Variants in TRPM3 observed in about 807,000 individuals in gnomAD.
TRPM3 encodes the protein long transient receptor potential channel 3.
Under a neutral mutation model 181.2 loss-of-function variants are expected in TRPM3, and 77 were observed. The observed-to-expected ratio is 0.42, with a 90% CI of 0.35 to 0.51. The LOEUF is 0.51. Among genes scored for constraint, TRPM3 ranks in the 20% least tolerant of loss-of-function variants. TRPM3 has a pLI of 0.01. For missense variants in TRPM3, 1,759 were observed against 2,196.7 expected, an observed-to-expected ratio of 0.80 and a Z score of 3.98; for synonymous variants, 745 against 796.4, an observed-to-expected ratio of 0.94 and a Z score of 1.09.
rs550040624 is a variant in TRPM3, at chr9:70,629,215, C to CGGGGGGGGGG, written c.1633-3708_1633-3699dup. Among the ~76,000 whole-genome samples, 6 of 10,170 alleles carry CGGGGGGGGGG rather than the reference C, an allele frequency of 5.9e-4. 1 individual carries two copies. Among genetic ancestry groups the CGGGGGGGGGG allele is most frequent in the Admixed American group, 4.7e-3 (2 of 424 alleles). 6.7% of individuals were successfully genotyped at this position (10,170 alleles called of 152,430 possible). On this transcript the variant is annotated intron_variant, in intron 12 of 25. Coordinates refer to ENST00000677713, the MANE Select transcript of TRPM3 (RefSeq NM_001366145.2). ...GGATAAATGATTCTGTGACCAGTGCCGGGGGGGGGGGGGGCCTGCGTTCTG... is the reference window on the plus strand; with the variant it reads ...GGATAAATGATTCTGTGACCAGTGCCGGGGGGGGGGGGGGGGGGGGGGGGCCTGCGTTCTG...
At chr9:70,683,797 G>A (rs2066089366) in intron 8 of TRPM3, among the ~76,000 whole-genome samples, 1 of 152,114 alleles carries the variant, frequency 6.6e-6, no homozygotes, top group African/African-American at 2.4e-5. Flanking sequence ...GAAGTTGAGA[G>A]GGAACTATTC....
At chr9:70,879,771 G>T (rs1231704559) in intron 1 of TRPM3, among the ~76,000 whole-genome samples, 1 of 152,094 alleles carries the variant, frequency 6.6e-6, no homozygotes, top group Admixed American at 6.6e-5. Context: ...AACATGTTTT[G>T]CATAAATGGA....
At chr9:71,334,601 C>T (rs1045021977) in intron 1 of TRPM3, among the ~76,000 whole-genome samples, 1 of 152,122 alleles carries the variant, frequency 6.6e-6, no homozygotes, top group Non-Finnish European at 1.5e-5. Context: ...CCATTTCTAT[C>T]TCTGGCCACA....
At chr9:70,793,545 A>G in intron 6 of TRPM3, 3 of 463,730 alleles carry the variant, frequency 6.5e-6, no homozygotes, top group Non-Finnish European at 1.3e-5. Context: ...ACATACATAT[A>G]TACATACATA....
At chr9:71,335,854 T>TA (rs1240218365) in intron 1 of TRPM3, among the ~76,000 whole-genome samples, 3 of 152,130 alleles carry the variant, frequency 2.0e-5, no homozygotes, top group Non-Finnish European at 2.9e-5. Context: ...AGTGGGGAGA[T>TA]ACGATCCTTT....
chr9:71,254,691 A>C (rs897421377), intron 1 of TRPM3, among the ~76,000 whole-genome samples: 2 of 152,246 alleles, frequency 1.3e-5, no homozygotes, highest in Non-Finnish European at 2.9e-5. Flanking sequence ...AACAGTATTT[A>C]TTAAAGTTTG....
chr9:71,446,216 G>A lies in TRPM3; in HGVS notation c.183+437C>T, dbSNP rs571019603. Among the ~76,000 whole-genome samples, 12 of 152,312 alleles carry A rather than the reference G, an allele frequency of 7.9e-5. No homozygotes were observed. In the South Asian group the frequency reaches 2.5e-3, roughly 32 times the overall value. On this transcript the variant is annotated intron_variant, in intron 1 of 24. Transcript: ENST00000357533. ...TGGGGGTGTGGGATGGAAAGAGCAA[G>A]TGCTAAGAGAGTAAAAATATGGCAT...
chr9:70,974,416 GT>G (rs1296449160), intron 1 of TRPM3, among the ~76,000 whole-genome samples: 2 of 141,804 alleles, frequency 1.4e-5, no homozygotes, highest in African/African-American at 5.2e-5. Context: ...GCGGGCTCCT[GT>G]AGTACCAGCT....
At chr9:70,614,082 G>C (rs886444670) in intron 18 of TRPM3, among the ~76,000 whole-genome samples, 1 of 152,120 alleles carries the variant, frequency 6.6e-6, no homozygotes, top group African/African-American at 2.4e-5. Context: ...TTAACCTATT[G>C]TCTAAAAGTG....
chr9:71,336,103 T>C (rs770340816), intron 1 of TRPM3, among the ~76,000 whole-genome samples: 10 of 150,988 alleles, frequency 6.6e-5, no homozygotes, highest in Non-Finnish European at 1.5e-4. Flanking sequence ...ATAATAGAAC[T>C]CATTCTTCTC....
chr9:71,163,285 C>T (rs1399955651), intron 1 of TRPM3, among the ~76,000 whole-genome samples: 10 of 152,056 alleles, frequency 6.6e-5, no homozygotes, highest in Non-Finnish European at 1.3e-4. Flanking sequence ...AGATGTATAT[C>T]TGCACTAGGG....
At chr9:70,649,903 A>C (rs183038183) in intron 9 of TRPM3, among the ~76,000 whole-genome samples, 224 of 152,306 alleles carry the variant, frequency 1.5e-3, no homozygotes, top group Non-Finnish European at 2.3e-3. Context: ...GAGACATGGA[A>C]TCAACCCTGC....
intron 1 of TRPM3, among the ~76,000 whole-genome samples, chr9:71,149,034 A>G (rs1464922939): frequency 2.0e-5 from 3 of 152,152 alleles, no homozygotes; most frequent in Non-Finnish European, 4.4e-5. Context: ...AGATAGAAAT[A>G]AAAAGATTAG....
At chr9:70,537,867 C>T (rs866154218) in intron 25 of TRPM3, among the ~76,000 whole-genome samples, 1 of 152,050 alleles carries the variant, frequency 6.6e-6, no homozygotes, top group Non-Finnish European at 1.5e-5. Flanking sequence ...AGGATTTTAC[C>T]CAGAATTTTG....
chr9:71,053,696 C>A (rs1288277501), intron 1 of TRPM3, among the ~76,000 whole-genome samples: 1 of 152,112 alleles, frequency 6.6e-6, no homozygotes, highest in Non-Finnish European at 1.5e-5. Flanking sequence ...GACTTGGCAG[C>A]AGATGCTTCT....
chr9:71,247,872 A>G (rs1008400596), intron 1 of TRPM3, among the ~76,000 whole-genome samples: 27 of 152,316 alleles, frequency 1.8e-4, no homozygotes, highest in Middle Eastern at 3.4e-3. Context: ...ACTTAAATTT[A>G]TATTTTATAA....
intron 1 of TRPM3, among the ~76,000 whole-genome samples, chr9:71,340,390 T>C (rs2090875790): frequency 6.6e-6 from 1 of 152,120 alleles, no homozygotes; most frequent in Admixed American, 6.6e-5. Context: ...CCAAATCTCA[T>C]CTTGAATTAC....
intron 11 of TRPM3, among the ~76,000 whole-genome samples, chr9:70,635,648 A>C (rs558145770): frequency 6.6e-6 from 1 of 150,630 alleles, no homozygotes; most frequent in Admixed American, 6.6e-5. Context: ...TTTTTTAAAG[A>C]TGGGGGTCTC....
intron 8 of TRPM3, among the ~76,000 whole-genome samples, chr9:70,695,256 C>T (rs779247508): frequency 3.9e-5 from 6 of 152,214 alleles, no homozygotes; most frequent in Non-Finnish European, 8.8e-5. Flanking sequence ...CCATCTACTG[C>T]ACCTCTCTGA....
Sources: gnomAD v4.1 joint callset for allele counts (sites outside exome capture counted in the v4.1 genomes callset) on GRCh38, gnomAD v4.1.1 for gene constraint, MANE v1.5 for transcripts, NCBI Gene and HGNC (gene_info 2026-07-23, HGNC 2026-07-21) for gene names.